Variants in DNER observed in about 807,000 individuals in gnomAD.
DNER encodes the protein delta and Notch-like epidermal growth factor-related receptor.
In DNER, 33 loss-of-function variants were observed where a neutral mutation model predicts 78.2. The ratio of observed to expected loss-of-function variants is 0.42; its 90% confidence interval spans 0.32 to 0.56. The LOEUF is 0.56. Ranked by LOEUF, DNER falls within the 20% of genes least tolerant of loss-of-function variation. The pLI is 0.11. For synonymous variants in DNER, 417 were observed against 384.8 expected, an observed-to-expected ratio of 1.08 and a Z score of -0.98; for missense variants, 918 against 975.3, an observed-to-expected ratio of 0.94 and a Z score of 0.78.
intron 7 of DNER, among the ~76,000 whole-genome samples, chr2:229,452,521 A>G (rs1293938934): frequency 1.3e-5 from 2 of 152,220 alleles, no homozygotes; most frequent in East Asian, 3.8e-4. Flanking sequence ...CATAACCTGC[A>G]GCCAATTTGA....
At chr2:229,465,137 T>C (rs542440144) in intron 7 of DNER, among the ~76,000 whole-genome samples, 2 of 152,332 alleles carry the variant, frequency 1.3e-5, no homozygotes, top group South Asian at 4.1e-4. Flanking sequence ...ATGTGTATGT[T>C]CATTGCAGCA....
intron 10 of DNER, among the ~76,000 whole-genome samples, chr2:229,405,613 T>C (rs1401714506): frequency 6.6e-6 from 1 of 152,180 alleles, no homozygotes; most frequent in Non-Finnish European, 1.5e-5. Flanking sequence ...ACATTTATGA[T>C]ATACATATAT....
rs1310585862 is a variant in DNER at position 229,447,362 on chromosome 2, G to A, written c.1440C>T (p.Gly480=). The change falls in exon 8 of 13, where the codon GGC becomes GGT. Residue 480 remains glycine (G), a synonymous_variant. Coordinates refer to ENST00000341772, the MANE Select transcript of DNER (RefSeq NM_139072.4). Reference sequence around the variant, plus strand: ...AGCTGGTGCCCACGCTGCGGCACGTGCCATGAGCACAGGGGCTGAGGGCAC... The same window carrying A: ...AGCTGGTGCCCACGCTGCGGCACGTACCATGAGCACAGGGGCTGAGGGCAC... The part of the protein sequence containing the change: ...DFCALSPCAH[G]TCRSVGTSYK... 1.2e-6 allele frequency: 2 copies of A among 1,611,954 alleles called. No homozygotes were observed. The highest frequency in any genetic ancestry group is 2.7e-5 in the African/African-American group (2 of 74,920).
chr2:229,538,306 C>T (rs13391903), intron 5 of DNER, among the ~76,000 whole-genome samples: 3,701 of 152,268 alleles, frequency 0.024, 161 homozygotes, highest in African/African-American at 0.084. Flanking sequence ...AAATGTTTAA[C>T]GAACACTGTC....
intron 5 of DNER, among the ~76,000 whole-genome samples, chr2:229,520,225 G>A (rs751975165): frequency 1.4e-4 from 22 of 152,160 alleles, no homozygotes; most frequent in African/African-American, 4.3e-4. Context: ...TCCTTCTTCC[G>A]TGTCTATCTC....
At chr2:229,403,246 G>C (rs1693307083) in intron 10 of DNER, among the ~76,000 whole-genome samples, 1 of 152,126 alleles carries the variant, frequency 6.6e-6, no homozygotes. Context: ...CTCAAGAGCA[G>C]AAGCACCATA....
At chr2:229,576,726 A>C (rs1440434029) in intron 4 of DNER, among the ~76,000 whole-genome samples, 2 of 152,336 alleles carry the variant, frequency 1.3e-5, no homozygotes, top group East Asian at 3.9e-4. Context: ...GTAATGTGAG[A>C]CACATGACTG....
At chr2:229,642,448 A>G (rs572567453) in intron 1 of DNER, among the ~76,000 whole-genome samples, 4 of 152,262 alleles carry the variant, frequency 2.6e-5, no homozygotes, top group Non-Finnish European at 5.9e-5. Flanking sequence ...AGCAAAGTGA[A>G]ATGGTTTAGA....
chr2:229,674,089 C>T (rs1242020454), intron 1 of DNER, among the ~76,000 whole-genome samples: 2 of 152,252 alleles, frequency 1.3e-5, no homozygotes, highest in Non-Finnish European at 2.9e-5. Flanking sequence ...CTGGTCTCCT[C>T]CCCTTGCTCC....
intron 1 of DNER, among the ~76,000 whole-genome samples, chr2:229,632,174 A>G (rs1018219528): frequency 6.6e-6 from 1 of 152,344 alleles, no homozygotes; most frequent in South Asian, 2.1e-4. Flanking sequence ...CAAACATTGT[A>G]TCACTTCAAT....
rs960187605 is a variant in DNER, at chr2:229,714,203, C to T, written c.221G>A (p.Gly74Asp). 2 of 1,381,206 alleles carry T rather than the reference C, an allele frequency of 1.4e-6. No homozygotes were observed. Among genetic ancestry groups the T allele is most frequent in the African/African-American group, 3.0e-5 (2 of 66,266 alleles). 85.6% of individuals were successfully genotyped at this position (1,381,206 alleles called of 1,614,324 possible). A position where few individuals can be genotyped will look rare whatever the true frequency, so the allele number is the denominator to read the frequency against. Residue 74 changes from glycine to aspartate, a missense_variant, in exon 1 of 13, where the codon GGC becomes GAC. Coordinates refer to ENST00000341772, the MANE Select transcript of DNER (RefSeq NM_139072.4). ...GCAGGTGCAGCTGTAGCCAGGCTCG[C>T]CGGCGGGGGCCGGGTGCTGCGGGTC... ...EPDPQHPAPA[G>D]EPGYSCTCPA...
rs1273810932 is a variant in DNER, at chr2:229,512,620, C to A, written c.1147+163G>T. Among the ~76,000 whole-genome samples the A allele has an allele frequency of 2.6e-5, 4 of 152,078 alleles. No homozygotes were observed. In the East Asian group the frequency reaches 7.7e-4, roughly 29 times the overall value. On this transcript the variant is annotated intron_variant, in intron 6 of 12. Coordinates refer to ENST00000341772, the MANE Select transcript of DNER (RefSeq NM_139072.4). ...GATCACAAATTGGGTTCAGTGTATACTACTTGGGTGATGAGTGCACCAAAA... is the reference window on the plus strand; with the variant it reads ...GATCACAAATTGGGTTCAGTGTATAATACTTGGGTGATGAGTGCACCAAAA...
intron 1 of DNER, among the ~76,000 whole-genome samples, chr2:229,612,772 T>C (rs1036095481): frequency 5.9e-5 from 9 of 152,174 alleles, no homozygotes; most frequent in Admixed American, 6.5e-5. Flanking sequence ...CTAGAGTCTG[T>C]GATAATTTTA....
At chr2:229,452,058 G>A (rs1559355420) in intron 7 of DNER, among the ~76,000 whole-genome samples, 1 of 152,180 alleles carries the variant, frequency 6.6e-6, no homozygotes, top group Non-Finnish European at 1.5e-5. Context: ...GGTCAGGCCA[G>A]GTCACGACTG....
At chr2:229,655,914 GCATTCACGTTAAGCTGC>G (rs1489392907) in intron 1 of DNER, among the ~76,000 whole-genome samples, 22 of 152,112 alleles carry the variant, frequency 1.4e-4, no homozygotes, top group Admixed American at 3.3e-4. Flanking sequence ...ATGAAGGCAG[GCATTCACGTTAAGCTGC>G]CACAACCCAA....
Position 229,520,642 on chromosome 2 carries a change from G to A in DNER, c.994-7706C>T, listed in dbSNP as rs142399529. Among the ~76,000 whole-genome samples, 746 of 152,084 alleles carry A rather than the reference G, an allele frequency of 4.9e-3. 9 individuals are homozygous for A. Among genetic ancestry groups the A allele is most frequent in the Middle Eastern group, 0.034 (10 of 294 alleles). On this transcript the variant is annotated intron_variant, in intron 5 of 12. Transcript: ENST00000341772. ...ATTTTTTTTTAATTTTAAGAATCTG[G>A]CTAAGTACCAAGAAAGGAAAGCTAA... is the stretch of plus-strand genomic sequence containing the variant.
chr2:229,685,185 G>C (rs987721828), intron 1 of DNER, among the ~76,000 whole-genome samples: 2 of 152,188 alleles, frequency 1.3e-5, no homozygotes, highest in African/African-American at 4.8e-5. Flanking sequence ...AGGATAAAGG[G>C]TCCATAGCAA....
chr2:229,461,705 T>C (rs1694706454), intron 7 of DNER, among the ~76,000 whole-genome samples: 2 of 152,064 alleles, frequency 1.3e-5, no homozygotes, highest in South Asian at 4.1e-4. Context: ...CAAATATATT[T>C]GGATTTACAA....
chr2:229,620,442 T>C (rs1698233484), intron 1 of DNER, among the ~76,000 whole-genome samples: 1 of 152,216 alleles, frequency 6.6e-6, no homozygotes, highest in Admixed American at 6.5e-5. Flanking sequence ...ACAAATTAAA[T>C]GTCAGCCATC....
Sources: gnomAD v4.1 joint callset for allele counts (sites outside exome capture counted in the v4.1 genomes callset) on GRCh38, gnomAD v4.1.1 for gene constraint, MANE v1.5 for transcripts, NCBI Gene and HGNC (gene_info 2026-07-23, HGNC 2026-07-21) for gene names.